ITPK1: variants seen among roughly 807,000 people sequenced by gnomAD.
ITPK1 encodes inositol 1,3,4-trisphosphate 5/6-kinase.
Under a neutral mutation model 45.3 loss-of-function variants are expected in ITPK1, and 21 were observed. That is an observed-to-expected ratio of 0.46 (90% CI 0.33 to 0.67). The LOEUF (loss-of-function observed/expected upper bound fraction) is 0.67. ITPK1 is among the 30% of genes least tolerant of loss of function. The pLI, the probability that ITPK1 is intolerant of heterozygous loss-of-function variation, is 0.02. For synonymous variants in ITPK1, 258 were observed against 253.6 expected, an observed-to-expected ratio of 1.02 and a Z score of -0.16; for missense variants, 474 against 573.5, an observed-to-expected ratio of 0.83 and a Z score of 1.77.
intron 10 of ITPK1, among the ~76,000 whole-genome samples, chr14:92,944,956 C>T (rs1887610500): frequency 6.6e-6 from 1 of 152,230 alleles, no homozygotes. Context: ...CCACACGCAG[C>T]TCCCCTGACT....
chr14:93,075,585 G>A (rs1398203740), intron 3 of ITPK1, among the ~76,000 whole-genome samples: 1 of 152,136 alleles, frequency 6.6e-6, no homozygotes. Flanking sequence ...TCTGGTCCCA[G>A]GAGCAGGGGA....
In ITPK1 at chr14:93,076,837, G is replaced by A. The variant is rs867573728; in HGVS notation, c.96-218C>T. On this transcript the variant is annotated intron_variant, in intron 2 of 10. Transcript: ENST00000267615. This position sits in a 1 kb window ranked among gnomAD's most constrained non-coding sequence, Gnocchi z 4.3. ...ACTGAGAGGGCTGGCTCTGCAGAGG[G>A]ACTTGCTGGAGTCCTCTGGAGGCCC... Among the ~76,000 whole-genome samples the A allele has an allele frequency of 6.6e-6, 1 of 152,088 alleles. No homozygotes were observed. The highest frequency in any genetic ancestry group is 1.5e-5 in the Non-Finnish European group (1 of 68,008).
At chr14:93,101,740 C>A (rs1203926151) in intron 2 of ITPK1, among the ~76,000 whole-genome samples, 1 of 152,200 alleles carries the variant, frequency 6.6e-6, no homozygotes, top group Non-Finnish European at 1.5e-5. Flanking sequence ...ACTCCAGCTA[C>A]TCGGAAGGCT....
intron 3 of ITPK1, among the ~76,000 whole-genome samples, chr14:93,045,796 T>C (rs1029286741): frequency 6.6e-6 from 1 of 152,130 alleles, no homozygotes; most frequent in Non-Finnish European, 1.5e-5. Context: ...AATTTCAGGA[T>C]CCAGTTTCTA....
At chr14:92,952,731 A>C (rs760415210) in intron 8 of ITPK1, among the ~76,000 whole-genome samples, 5 of 152,254 alleles carry the variant, frequency 3.3e-5, no homozygotes, top group Non-Finnish European at 7.3e-5. Flanking sequence ...GAGGCAGACC[A>C]GTCCAAAGAA....
chr14:92,959,153 C>A (rs905317314), intron 7 of ITPK1, among the ~76,000 whole-genome samples: 2 of 152,188 alleles, frequency 1.3e-5, no homozygotes, highest in Admixed American at 6.5e-5. Context: ...TGCAGGGGGG[C>A]AGCTGCCAAA....
chr14:92,963,601 C>T (rs541387638), intron 5 of ITPK1, among the ~76,000 whole-genome samples: 29 of 152,372 alleles, frequency 1.9e-4, no homozygotes, highest in African/African-American at 5.5e-4. Context: ...TTCCTCCTCG[C>T]CCTTCACAGC....
chr14:93,053,898 C>A (rs1890120955), intron 3 of ITPK1, among the ~76,000 whole-genome samples: 1 of 152,178 alleles, frequency 6.6e-6, no homozygotes, highest in Admixed American at 6.5e-5. Flanking sequence ...ACGGGACAGC[C>A]AGGCTTCAGA....
intron 2 of ITPK1, among the ~76,000 whole-genome samples, chr14:93,078,895 C>A (rs748374246): frequency 6.6e-6 from 1 of 152,148 alleles, no homozygotes; most frequent in African/African-American, 2.4e-5. Context: ...CGGCCCTGCT[C>A]CAGGACAGAA....
At chr14:92,975,408 G>A (rs1236630687) in intron 5 of ITPK1, among the ~76,000 whole-genome samples, 6 of 152,292 alleles carry the variant, frequency 3.9e-5, no homozygotes, top group South Asian at 2.1e-4. Flanking sequence ...GATGAGGCAG[G>A]AGGCTCGGTG....
intron 9 of ITPK1, among the ~76,000 whole-genome samples, chr14:92,951,479 G>A (rs572102820): frequency 1.1e-4 from 17 of 152,270 alleles, no homozygotes; most frequent in East Asian, 1.9e-4. Flanking sequence ...CTCACTGAAC[G>A]GCCAGAACGC....
chr14:93,082,325 G>A (rs1387381411), intron 2 of ITPK1, among the ~76,000 whole-genome samples: 1 of 152,176 alleles, frequency 6.6e-6, no homozygotes, highest in Non-Finnish European at 1.5e-5. Flanking sequence ...CCAGGAAGTG[G>A]TTAGAAGCCC....
chr14:93,070,056 C>T lies in ITPK1; in HGVS notation c.120+6539G>A, dbSNP rs1396976767. The T allele has an allele frequency of 2.0e-5, 3 of 152,258 alleles. No individual in the cohort carries two copies. The South Asian group carries it at 6.2e-4, about 31-fold the overall frequency. 9.4% of individuals were successfully genotyped at this position (152,258 alleles called of 1,614,324 possible). On this transcript the variant is annotated intron_variant, in intron 3 of 10. Transcript: ENST00000267615. ...AGTGAATCTCTAACTGGCTGCTGCA[C>T]TTCTCACACTTACAGCTTGCTCATT...
intron 2 of ITPK1, among the ~76,000 whole-genome samples, chr14:93,092,247 C>G (rs961127795): frequency 1.3e-5 from 2 of 152,180 alleles, no homozygotes; most frequent in South Asian, 4.1e-4. Context: ...TACCACAGCC[C>G]CACGCCAAAG....
chr14:92,969,437 GC>G (rs1399488051), intron 5 of ITPK1, among the ~76,000 whole-genome samples: 1 of 152,176 alleles, frequency 6.6e-6, no homozygotes, highest in Non-Finnish European at 1.5e-5. Context: ...CGGTGCAAAG[GC>G]CCAACCTGCT....
chr14:93,021,435 A>G (rs923566247), intron 3 of ITPK1, among the ~76,000 whole-genome samples: 1 of 152,008 alleles, frequency 6.6e-6, no homozygotes, highest in African/African-American at 2.4e-5. Flanking sequence ...CTACCAAACA[A>G]TACAAAAATT....
chr14:93,086,000 G>A (rs776899807), intron 2 of ITPK1, among the ~76,000 whole-genome samples: 6 of 147,300 alleles, frequency 4.1e-5, no homozygotes, highest in East Asian at 2.2e-4. Context: ...CCCCTCCTCC[G>A]TCAGCCAGCC....
chr14:93,100,665 C>A (rs912802777), intron 2 of ITPK1, among the ~76,000 whole-genome samples: 22 of 152,030 alleles, frequency 1.4e-4, no homozygotes, highest in African/African-American at 5.3e-4. Flanking sequence ...ACTCAGGAAC[C>A]AATACATCCC....
intron 3 of ITPK1, among the ~76,000 whole-genome samples, chr14:93,028,869 C>T (rs1268298264): frequency 1.3e-5 from 2 of 152,222 alleles, no homozygotes; most frequent in Non-Finnish European, 2.9e-5. Context: ...ACTGCCTCCT[C>T]GCAGTGGTGC....
Sources: gnomAD v4.1 joint callset for allele counts (sites outside exome capture counted in the v4.1 genomes callset) on GRCh38, gnomAD v4.1.1 for gene constraint, Gnocchi (gnomAD v3.1) non-coding constraint, MANE v1.5 for transcripts, NCBI Gene and HGNC (gene_info 2026-07-23, HGNC 2026-07-21) for gene names.